The following CELF2 variants were observed in gnomAD, a reference collection of about 807,000 sequenced individuals.
CELF2 encodes the protein CUG triplet repeat RNA-binding protein 2.
A neutral mutation model predicts 62.6 loss-of-function variants in CELF2; 8 were observed. The ratio of observed to expected loss-of-function variants is 0.13; its 90% confidence interval spans 0.07 to 0.23. The LOEUF (loss-of-function observed/expected upper bound fraction) is 0.23. Ranked by LOEUF, CELF2 falls within the 10% of genes least tolerant of loss-of-function variation. The probability of loss-of-function intolerance (pLI) is 1.00; values close to 1 mark genes in which losing one functional copy is unlikely to be tolerated. For missense variants in CELF2, 333 were observed against 671.0 expected, an observed-to-expected ratio of 0.50 and a Z score of 5.56; for synonymous variants, 258 against 250.0, an observed-to-expected ratio of 1.03 and a Z score of -0.30.
the CELF2 span, among the ~76,000 whole-genome samples, chr10:10,603,590 G>T: frequency 6.6e-6 from 1 of 152,044 alleles, no homozygotes; most frequent in Non-Finnish European, 1.5e-5. Context: ...CACCAGAACT[G>T]CACCACTAAC....
intron 9 of CELF2, among the ~76,000 whole-genome samples, chr10:11,313,938 G>A (rs1449694097): frequency 1.3e-5 from 2 of 152,092 alleles, no homozygotes; most frequent in East Asian, 1.9e-4. Flanking sequence ...TTGCAGTATT[G>A]GTAAAACAGT....
At chr10:11,301,213 G>A (rs72775876) in intron 9 of CELF2, among the ~76,000 whole-genome samples, 7 of 152,114 alleles carry the variant, frequency 4.6e-5, no homozygotes, top group African/African-American at 7.2e-5. Context: ...CCCTTTCGTC[G>A]TGGATCTGGA....
chr10:11,258,663 C>A (rs188251258), intron 5 of CELF2, among the ~76,000 whole-genome samples: 32 of 152,312 alleles, frequency 2.1e-4, no homozygotes, highest in Admixed American at 5.9e-4. Context: ...ACTGCACTTC[C>A]CTGAGTCAGT....
chr10:10,471,226 G>A, the CELF2 span, among the ~76,000 whole-genome samples: 10 of 151,690 alleles, frequency 6.6e-5, no homozygotes, highest in African/African-American at 1.2e-4. Flanking sequence ...GTTATCTGAT[G>A]TAGTATTCTA....
the CELF2 span, among the ~76,000 whole-genome samples, chr10:10,589,850 C>A: frequency 6.6e-6 from 1 of 152,212 alleles, no homozygotes; most frequent in African/African-American, 2.4e-5. Context: ...TATAATCTTT[C>A]CTCTACATCA....
At chr10:10,748,071 G>A in the CELF2 span, among the ~76,000 whole-genome samples, 23,930 of 152,146 alleles carry the variant, frequency 0.16, 2,280 homozygotes, top group East Asian at 0.32. Flanking sequence ...GGCTGGGAAG[G>A]CTGGCTGTAT....
chr10:11,103,220 C>G (rs1230467864), intron 1 of CELF2, among the ~76,000 whole-genome samples: 3 of 152,158 alleles, frequency 2.0e-5, no homozygotes, highest in Non-Finnish European at 4.4e-5. Flanking sequence ...CCAGAGCCAA[C>G]CCCACACCAT....
At chr10:10,594,765 G>A in the CELF2 span, among the ~76,000 whole-genome samples, 7 of 152,252 alleles carry the variant, frequency 4.6e-5, no homozygotes, top group African/African-American at 1.7e-4. Flanking sequence ...GGACTCTGGG[G>A]TCACTAGAAG....
chr10:10,896,766 T>A (rs2062583230), intron 1 of CELF2, among the ~76,000 whole-genome samples: 1 of 152,192 alleles, frequency 6.6e-6, no homozygotes, highest in Non-Finnish European at 1.5e-5. Flanking sequence ...AACTTCTAGC[T>A]TCTAGAATTG....
chr10:10,508,660 A>ATGTGTG, the CELF2 span, among the ~76,000 whole-genome samples: 353 of 140,764 alleles, frequency 2.5e-3, no homozygotes, highest in East Asian at 0.014. Flanking sequence ...TCTTAAACAG[A>ATGTGTG]TGTGTGTGTG....
At chr10:11,170,602 T>C (rs933756437) in intron 2 of CELF2, among the ~76,000 whole-genome samples, 5 of 151,842 alleles carry the variant, frequency 3.3e-5, no homozygotes, top group African/African-American at 4.8e-5. Flanking sequence ...GTAGCAGATA[T>C]GCTAGGAAGT....
rs1039696842 is a variant in CELF2, at chr10:11,270,812, A to G, written c.765A>G (p.Pro255=). The G allele has an allele frequency of 2.1e-6, 3 of 1,448,340 alleles. No homozygotes were observed. The African/African-American group carries it at 4.3e-5, about 21-fold the overall frequency. The allele number at this position is 1,448,340 out of a possible 1,614,324, so 89.7% of individuals were successfully genotyped here. ...GNLTGLGGLT[P]QYLALLQQAT... ...TGACAGGGCTGGGCGGACTGACCCC[A>G]CAGTATCTGGCGGTAAGTGCTGGGC... Residue 255 remains proline, a synonymous_variant, in exon 7 of 13, where the codon CCA becomes CCG. Transcript: ENST00000633077. This position sits in a 1 kb window ranked among gnomAD's most constrained non-coding sequence, Gnocchi z 5.8.
At chr10:10,545,688 A>G in the CELF2 span, among the ~76,000 whole-genome samples, 1 of 152,164 alleles carries the variant, frequency 6.6e-6, no homozygotes, top group South Asian at 2.1e-4. Flanking sequence ...ACACTAAAAT[A>G]TACTATACAC....
intron 1 of CELF2, among the ~76,000 whole-genome samples, chr10:10,900,207 G>T (rs1377636236): frequency 6.6e-6 from 1 of 152,056 alleles, no homozygotes; most frequent in Admixed American, 6.5e-5. Context: ...TAAAAAGAGG[G>T]AATGCTTTCC....
At chr10:10,966,591 TG>T (rs1253784601) in intron 2 of CELF2, 1 of 152,244 alleles carries the variant, frequency 6.6e-6, no homozygotes, top group African/African-American at 2.4e-5. Context: ...CTGATAAAGA[TG>T]GTGCTTGGGA....
intron 2 of CELF2, among the ~76,000 whole-genome samples, chr10:10,988,709 G>C (rs1490829409): frequency 6.6e-6 from 1 of 152,054 alleles, no homozygotes; most frequent in African/African-American, 2.4e-5. Flanking sequence ...AGAGGCTAAA[G>C]AAACTCTTAG....
At chr10:11,018,263 C>A in intron 1 of CELF2, 100 bp downstream of exon 1, 2 of 1,020,620 alleles carry the variant, frequency 2.0e-6, no homozygotes, top group Non-Finnish European at 2.7e-6. Flanking sequence ...CCGGGCGCGA[C>A]TCGGCCGCTT....
intron 1 of CELF2, among the ~76,000 whole-genome samples, chr10:10,850,123 C>A (rs1483619294): frequency 6.6e-6 from 1 of 151,958 alleles, no homozygotes; most frequent in Non-Finnish European, 1.5e-5. Flanking sequence ...TACTCCAGCC[C>A]AGGCGACAGT....
chr10:10,486,273 C>T, the CELF2 span, among the ~76,000 whole-genome samples: 1 of 152,150 alleles, frequency 6.6e-6, no homozygotes, highest in South Asian at 2.1e-4. Flanking sequence ...TTCCTTTTCT[C>T]ACTGGTTAAT....
Sources: gnomAD v4.1 joint callset for allele counts (sites outside exome capture counted in the v4.1 genomes callset) on GRCh38, gnomAD v4.1.1 for gene constraint, Gnocchi (gnomAD v3.1) non-coding constraint, MANE v1.5 for transcripts, NCBI Gene and HGNC (gene_info 2026-07-23, HGNC 2026-07-21) for gene names.